Variants in ZSCAN5A observed in about 807,000 individuals in gnomAD.
ZSCAN5A encodes zinc finger and SCAN domain containing 5A.
ZSCAN5A carries 12 observed loss-of-function variants against 23.7 expected under a neutral mutation model. The ratio of observed to expected loss-of-function variants is 0.51; its 90% confidence interval spans 0.32 to 0.82. The LOEUF (loss-of-function observed/expected upper bound fraction) is 0.82, where lower values mean the gene tolerates loss of function less well. Ranked by LOEUF, ZSCAN5A falls within the 40% of genes least tolerant of loss-of-function variation. The probability of loss-of-function intolerance (pLI) is 0.03; values close to 1 mark genes in which losing one functional copy is unlikely to be tolerated. For missense variants in ZSCAN5A, 597 were observed against 617.9 expected, an observed-to-expected ratio of 0.97 and a Z score of 0.36; for synonymous variants, 257 against 239.9, an observed-to-expected ratio of 1.07 and a Z score of -0.66.
chr19:56,300,746 A>G (rs1263500327), intron 2 of ZSCAN5A, among the ~76,000 whole-genome samples: 2 of 152,110 alleles, frequency 1.3e-5, no homozygotes, highest in Non-Finnish European at 2.9e-5. Flanking sequence ...TTGCCTGTAC[A>G]CTGGTAATGT....
intron 2 of ZSCAN5A, among the ~76,000 whole-genome samples, chr19:56,335,351 G>A (rs2041525337): frequency 6.6e-6 from 1 of 152,148 alleles, no homozygotes. Flanking sequence ...GGGGATAATG[G>A]AACCAATTTG....
chr19:56,297,744 T>A (rs577156904), intron 2 of ZSCAN5A: 1 of 152,590 alleles, frequency 6.6e-6, no homozygotes, highest in East Asian at 1.9e-4. Context: ...CCCAACATAC[T>A]GAGATGTGAG....
At chr19:56,278,624 A>G (rs187540998) in intron 2 of ZSCAN5A, among the ~76,000 whole-genome samples, 70 of 152,280 alleles carry the variant, frequency 4.6e-4, no homozygotes, top group Non-Finnish European at 7.2e-4. Context: ...TTCTTAGGGG[A>G]ATTAGCTCAC....
chr19:56,293,713 A>G (rs2039673133), intron 2 of ZSCAN5A, among the ~76,000 whole-genome samples: 1 of 152,134 alleles, frequency 6.6e-6, no homozygotes, highest in African/African-American at 2.4e-5. Context: ...TTCGCCCCTC[A>G]GGGGACACCT....
At chr19:56,335,660 A>G (rs2041528374) in intron 2 of ZSCAN5A, among the ~76,000 whole-genome samples, 1 of 152,192 alleles carries the variant, frequency 6.6e-6, no homozygotes, top group Non-Finnish European at 1.5e-5. Flanking sequence ...TCATTAGTTG[A>G]TGCAGTTTCT....
intron 2 of ZSCAN5A, chr19:56,280,704 T>C (rs1201198170): frequency 1.3e-5 from 2 of 152,138 alleles, no homozygotes; most frequent in Non-Finnish European, 1.5e-5. Flanking sequence ...TGTCATCCTA[T>C]GATCAAAGGA....
At chr19:56,279,145 A>G (rs1297932415) in intron 2 of ZSCAN5A, among the ~76,000 whole-genome samples, 1 of 152,212 alleles carries the variant, frequency 6.6e-6, no homozygotes, top group Non-Finnish European at 1.5e-5. Flanking sequence ...TGGGTGCCTT[A>G]GTCAAGCTGA....
chr19:56,225,427 T>C, intron 2 of ZSCAN5A: 1 of 173,722 alleles, frequency 5.8e-6, no homozygotes, highest in Non-Finnish European at 1.2e-5. Context: ...TTCTTGACTA[T>C]AAATTAAATA....
chr19:56,224,094 G>A (rs940027809), intron 3 of ZSCAN5A, among the ~76,000 whole-genome samples: 1 of 151,668 alleles, frequency 6.6e-6, no homozygotes, highest in African/African-American at 2.4e-5. Context: ...CTAAACCAAA[G>A]AGAAGACAAG....
At chr19:56,281,520 G>A (rs921421098) in intron 2 of ZSCAN5A, among the ~76,000 whole-genome samples, 26 of 151,974 alleles carry the variant, frequency 1.7e-4, no homozygotes, top group East Asian at 1.2e-3. Flanking sequence ...TAAAAATAGC[G>A]TCCCATATAA....
intron 2 of ZSCAN5A, among the ~76,000 whole-genome samples, chr19:56,235,810 T>C (rs1169088671): frequency 2.3e-3 from 16 of 7,100 alleles, no homozygotes; most frequent in African/African-American, 9.8e-3. Flanking sequence ...GTGGGCCAAG[T>C]CTCCACTCCA....
intron 2 of ZSCAN5A, chr19:56,347,026 C>T (rs1226313850): frequency 6.6e-6 from 1 of 152,324 alleles, no homozygotes; most frequent in Non-Finnish European, 1.5e-5. Flanking sequence ...TGTGCCCAGC[C>T]TCAATTATTC....
chr19:56,256,559 A>G (rs2036707037), intron 2 of ZSCAN5A, among the ~76,000 whole-genome samples: 1 of 152,220 alleles, frequency 6.6e-6, no homozygotes. Context: ...ATACATATAT[A>G]CATACATGCA....
chr19:56,364,457 T>C (rs1057381215), intron 1 of ZSCAN5A, among the ~76,000 whole-genome samples: 9 of 152,212 alleles, frequency 5.9e-5, no homozygotes, highest in African/African-American at 2.2e-4. Flanking sequence ...AACGACAATA[T>C]AAAGTCTTGG....
chr19:56,254,919 T>A (rs2036593666), intron 2 of ZSCAN5A, among the ~76,000 whole-genome samples: 1 of 152,170 alleles, frequency 6.6e-6, no homozygotes, highest in Non-Finnish European at 1.5e-5. Context: ...GCGTTCTTTA[T>A]ATACTCTGGA....
intron 2 of ZSCAN5A, chr19:56,297,931 C>G (rs2039982766): frequency 6.6e-6 from 1 of 152,058 alleles, no homozygotes; most frequent in Non-Finnish European, 1.5e-5. Flanking sequence ...GTAGGCAGAG[C>G]CGGGCATGGT....
rs181263732 is a variant in ZSCAN5A at position 56,292,440 on chromosome 19, T to G, written c.-128+20843A>C. 1.5e-4 allele frequency among the ~76,000 whole-genome samples: 20 copies of G among 136,190 alleles called. No individual in the cohort carries two copies. The East Asian group carries it at 3.2e-3, about 22-fold the overall frequency. The allele number at this position is 136,190 out of a possible 152,430, so 89.3% of individuals were successfully genotyped here. A position where few individuals can be genotyped will look rare whatever the true frequency, so the allele number is the denominator to read the frequency against. ...ATCACACCTAGCTAATTATTTTTGG[T>G]TTTTTTGTCTGTTTTTACTTTTTTT... On this transcript the variant is annotated intron_variant, in intron 2 of 5. Transcript: ENST00000683990.
At chr19:56,297,348 T>G (rs2039943014) in intron 2 of ZSCAN5A, among the ~76,000 whole-genome samples, 1 of 151,488 alleles carries the variant, frequency 6.6e-6, no homozygotes, top group South Asian at 2.1e-4. Context: ...TTTCTTTTCC[T>G]TTCTTTTCTC....
intron 2 of ZSCAN5A, among the ~76,000 whole-genome samples, chr19:56,339,298 G>A (rs1348276843): frequency 2.0e-5 from 3 of 152,080 alleles, no homozygotes; most frequent in African/African-American, 4.8e-5. Flanking sequence ...GCGAAGGAGC[G>A]GCTGTAGCCG....
Sources: allele counts gnomAD v4.1 joint callset (sites outside exome capture counted in the v4.1 genomes callset), GRCh38; gene constraint gnomAD v4.1.1; transcripts MANE v1.5; gene names NCBI Gene and HGNC (gene_info 2026-07-23, HGNC 2026-07-21).